Variants in ABCD2 observed in about 807,000 individuals in gnomAD.
ABCD2 encodes the protein ATP-binding cassette sub-family D member 2.
Under a neutral mutation model 70.9 loss-of-function variants are expected in ABCD2, and 36 were observed. The observed-to-expected ratio is 0.51, with a 90% CI of 0.39 to 0.67. The LOEUF (loss-of-function observed/expected upper bound fraction) is 0.67, where lower values mean the gene tolerates loss of function less well. Ranked by LOEUF, ABCD2 falls within the 30% of genes least tolerant of loss-of-function variation. The pLI, the probability that ABCD2 is intolerant of heterozygous loss-of-function variation, is 0.00. For missense variants in ABCD2, 729 were observed against 890.2 expected (o/e 0.82, Z 2.30); for synonymous variants, 304 against 306.9 (o/e 0.99, Z 0.10).
chr12:39,581,581 A>T (rs760089996), intron 7 of ABCD2, among the ~76,000 whole-genome samples: 10 of 152,214 alleles, frequency 6.6e-5, no homozygotes, highest in Admixed American at 2.0e-4. Context: ...TGAATTTCAT[A>T]GTATTTATGA....
chr12:39,614,407 A>C (rs746533027), intron 2 of ABCD2, among the ~76,000 whole-genome samples: 28 of 152,190 alleles, frequency 1.8e-4, no homozygotes, highest in Non-Finnish European at 3.2e-4. Flanking sequence ...AAGTGTATGT[A>C]ACTTTCCCAG....
At chr12:39,534,147 A>G in the ABCD2 span, among the ~76,000 whole-genome samples, 470 of 152,288 alleles carry the variant, frequency 3.1e-3, 1 homozygote, top group Non-Finnish European at 4.5e-3. Flanking sequence ...CACAAGAACC[A>G]TAAGTAGGTG....
intron 9 of ABCD2, among the ~76,000 whole-genome samples, chr12:39,570,615 A>C (rs1941434343): frequency 6.6e-6 from 1 of 152,226 alleles, no homozygotes. Flanking sequence ...GCAAGACCTG[A>C]AATTATTAGA....
At chr12:39,601,910 AATC>A (rs1416273111) in intron 5 of ABCD2, among the ~76,000 whole-genome samples, 3 of 151,998 alleles carry the variant, frequency 2.0e-5, no homozygotes, top group South Asian at 2.1e-4. Flanking sequence ...ATTTTTAAAA[AATC>A]ATATATATCA....
chr12:39,604,866 T>C lies in ABCD2; in HGVS notation c.1301A>G (p.Lys434Arg). The part of the protein sequence containing the change: ...YNMFWVFDEV[K>R]RGIYKRTAVI... ...AGCAGTTCTCTTATAAATGCCTCTT[T>C]TTACTTCATCAAAGACCCAAAACAT... The change falls in exon 4 of 10, where the codon AAA becomes AGA. Residue 434 changes from lysine (K) to arginine (R), a missense_variant. By Grantham distance (26) the Lys-to-Arg change is conservative. Coordinates refer to ENST00000308666, the MANE Select transcript of ABCD2 (RefSeq NM_005164.4). 1 of 1,612,670 alleles carries C rather than the reference T, an allele frequency of 6.2e-7. No homozygotes were observed.
intron 9 of ABCD2, 33 bp downstream of exon 9, chr12:39,573,683 C>A: frequency 6.3e-7 from 1 of 1,579,912 alleles, no homozygotes; most frequent in Non-Finnish European, 8.6e-7. Context: ...AAGGAAAAAC[C>A]ATCTACCACA....
At chr12:39,617,211 A>C in intron 1 of ABCD2, 43 bp from the exon 2 acceptor site, 1 of 1,322,776 alleles carries the variant, frequency 7.6e-7, no homozygotes, top group Non-Finnish European at 1.0e-6. Flanking sequence ...TTAAAGATAT[A>C]TACATATTAT....
At chr12:39,566,255 G>C (rs1042384792) in intron 9 of ABCD2, among the ~76,000 whole-genome samples, 3 of 152,148 alleles carry the variant, frequency 2.0e-5, no homozygotes, top group African/African-American at 7.2e-5. Flanking sequence ...AATCCGTCTG[G>C]TCCTGGAGTT....
intron 9 of ABCD2, among the ~76,000 whole-genome samples, chr12:39,554,672 A>AT (rs1469677336): frequency 1.3e-5 from 2 of 152,196 alleles, no homozygotes. Flanking sequence ...ATACTTCCAC[A>AT]TTTTTATATG....
At chr12:39,539,814 G>T in the ABCD2 span, 1 of 156,204 alleles carries the variant, frequency 6.4e-6, no homozygotes, top group South Asian at 1.9e-4. Context: ...CTTTACTACT[G>T]GGGGTTCCAG....
At chr12:39,537,710 A>G in the ABCD2 span, among the ~76,000 whole-genome samples, 1 of 152,208 alleles carries the variant, frequency 6.6e-6, no homozygotes, top group Admixed American at 6.5e-5. Context: ...AACAACCAAA[A>G]GTCCAGTCTT....
At chr12:39,581,995 T>C (rs921440689) in intron 7 of ABCD2, among the ~76,000 whole-genome samples, 4 of 152,186 alleles carry the variant, frequency 2.6e-5, no homozygotes, top group African/African-American at 4.8e-5. Context: ...GGAATGTAGT[T>C]TTTAATTCCA....
the ABCD2 span, among the ~76,000 whole-genome samples, chr12:39,538,915 T>G: frequency 3.3e-5 from 5 of 152,072 alleles, no homozygotes; most frequent in Admixed American, 1.3e-4. Flanking sequence ...CTGGGACACT[T>G]CCTGTTTACA....
chr12:39,570,532 T>A (rs1941433147), intron 9 of ABCD2, among the ~76,000 whole-genome samples: 1 of 152,160 alleles, frequency 6.6e-6, no homozygotes, highest in East Asian at 1.9e-4. Flanking sequence ...TATCCACAGG[T>A]AGAAGAATGA....
intron 9 of ABCD2, among the ~76,000 whole-genome samples, chr12:39,571,946 TC>T (rs1941454219): frequency 6.6e-6 from 1 of 152,136 alleles, no homozygotes; most frequent in Admixed American, 6.5e-5. Flanking sequence ...ATTTTTATTT[TC>T]CCTGAGAGAA....
chr12:39,561,653 T>G (rs75284008), intron 9 of ABCD2, among the ~76,000 whole-genome samples: 4,484 of 152,224 alleles, frequency 0.029, 238 homozygotes, highest in African/African-American at 0.1. Context: ...CAAGAAGATA[T>G]GATAATTCTG....
chr12:39,537,879 T>A, the ABCD2 span, among the ~76,000 whole-genome samples: 1 of 152,148 alleles, frequency 6.6e-6, no homozygotes, highest in African/African-American at 2.4e-5. Context: ...GATAAAAAAA[T>A]TCCTGGTTGC....
intron 1 of ABCD2, among the ~76,000 whole-genome samples, chr12:39,618,230 C>T (rs1047088218): frequency 2.6e-5 from 4 of 151,998 alleles, no homozygotes; most frequent in Non-Finnish European, 4.4e-5. Flanking sequence ...CCTGGCTCTT[C>T]CCCCCTCTTG....
intron 9 of ABCD2, among the ~76,000 whole-genome samples, chr12:39,566,619 T>C (rs1260100184): frequency 3.9e-5 from 6 of 152,198 alleles, no homozygotes. Flanking sequence ...GTTTTTTGTG[T>C]CTCTATTTCC....
Sources: gnomAD v4.1 joint callset for allele counts (sites outside exome capture counted in the v4.1 genomes callset) on GRCh38, gnomAD v4.1.1 for gene constraint, MANE v1.5 for transcripts, NCBI Gene and HGNC (gene_info 2026-07-23, HGNC 2026-07-21) for gene names.